Variants in VPS13C observed in about 807,000 individuals in gnomAD.
VPS13C encodes the protein intermembrane lipid transfer protein VPS13C.
VPS13C carries 358 observed loss-of-function variants against 456.8 expected under a neutral mutation model. The observed-to-expected ratio is 0.78, with a 90% CI of 0.72 to 0.86. The LOEUF (loss-of-function observed/expected upper bound fraction) is 0.86. Ranked by LOEUF, VPS13C falls within the 40% of genes least tolerant of loss-of-function variation. VPS13C has a pLI of 0.00. For synonymous variants in VPS13C, 1,578 were observed against 1,486.7 expected (o/e 1.06, Z -1.41); for missense variants, 4,818 against 4,385.4 (o/e 1.10, Z -2.79).
chr15:61,987,583 G>C (rs944705830), intron 18 of VPS13C, among the ~76,000 whole-genome samples: 2 of 152,098 alleles, frequency 1.3e-5, no homozygotes, highest in African/African-American at 2.4e-5. Flanking sequence ...TGGTGGTGAG[G>C]GGCGGATTAT....
rs748632677 is a variant in VPS13C at position 61,913,330 on chromosome 15, G to C, written c.8531C>G (p.Ala2844Gly). Residue 2844 changes from alanine (A) to glycine (G), a missense_variant, in exon 62 of 85, where the codon GCC becomes GGC. Physicochemically the swap from Ala to Gly is moderately conservative, Grantham distance 60 (BLOSUM62 0). Coordinates refer to ENST00000644861, the MANE Select transcript of VPS13C (RefSeq NM_020821.3). ...TCTTACCAGGTACTCCATATTGTTG[G>C]CAGGACACTTCACACACCCATAACT... ...VGSYGCVKCP[A>G]NNMEYLVGVS... 6.2e-7 allele frequency: 1 copy of C among 1,614,020 alleles called. No homozygotes were observed. Among genetic ancestry groups the C allele is most frequent in the South Asian group, 1.1e-5 (1 of 91,080 alleles).
At position 61,974,318 on chromosome 15, in the gene VPS13C, C is replaced by A. The variant is rs1429843778; in HGVS notation, c.2508G>T (p.Gln836His). ...LYLMNSIPLP[Q>H]KSSAQSPERQ... ...TCTCTGGAGACTGGGCTGATGATTT[C>A]TGTGGCAAAGGTATACTGTTCATCA... Residue 836 changes from glutamine (Q) to histidine (H), a missense_variant, in exon 25 of 85, where the codon CAG becomes CAT. This residue lies in a region of VPS13C where 4,552 missense variants were observed against 4,130.6 expected (regional missense o/e 1.10). Transcript: ENST00000644861. 6.2e-7 allele frequency: 1 copy of A among 1,612,188 alleles called. No homozygotes were observed. Among genetic ancestry groups the A allele is most frequent in the Admixed American group, 1.7e-5 (1 of 59,954 alleles).
At position 61,920,478 on chromosome 15, in the gene VPS13C, T is replaced by C. The variant is rs755114730; in HGVS notation, c.7212+20A>G. 1.9e-5 allele frequency: 29 copies of C among 1,512,714 alleles called. No individual in the cohort carries two copies. The East Asian group carries it at 6.7e-4, about 35-fold the overall frequency. 93.7% of individuals were successfully genotyped at this position (1,512,714 alleles called of 1,614,324 possible). A position where few individuals can be genotyped will look rare whatever the true frequency, so the allele number is the denominator to read the frequency against. ...TTTTAAAATTCCACTTGAAATATTC[T>C]AAGCAAGATTCAGACATACTTTTGC... On this transcript the variant is annotated intron_variant, in intron 56 of 84. Transcript: ENST00000644861.
At chr15:62,009,166 C>G (rs2140499684) in intron 13 of VPS13C, among the ~76,000 whole-genome samples, 1 of 152,230 alleles carries the variant, frequency 6.6e-6, no homozygotes, top group Admixed American at 6.5e-5. Context: ...TATTTTTCCT[C>G]TGGATCATCA....
chr15:61,897,162 C>G (rs950231830), intron 66 of VPS13C, among the ~76,000 whole-genome samples: 18 of 152,140 alleles, frequency 1.2e-4, no homozygotes, highest in African/African-American at 4.3e-4. Context: ...AAAAACAGAA[C>G]AGAAAAACTG....
intron 66 of VPS13C, among the ~76,000 whole-genome samples, chr15:61,890,964 T>C (rs2042633363): frequency 1.3e-5 from 2 of 152,126 alleles, no homozygotes; most frequent in African/African-American, 2.4e-5. Flanking sequence ...CGAGAATTGC[T>C]TGAACCCAGG....
chr15:61,999,677 A>G (rs531304976), intron 16 of VPS13C, among the ~76,000 whole-genome samples: 2 of 152,102 alleles, frequency 1.3e-5, no homozygotes, highest in South Asian at 2.1e-4. Flanking sequence ...ATTTTTTTTC[A>G]TCACCAAAAA....
At chr15:61,894,664 G>T (rs1393270175) in intron 66 of VPS13C, among the ~76,000 whole-genome samples, 1 of 152,094 alleles carries the variant, frequency 6.6e-6, no homozygotes, top group Non-Finnish European at 1.5e-5. Context: ...TAATGATAAA[G>T]AGGTCAATTC....
At chr15:62,010,013 C>T (rs994947190) in intron 13 of VPS13C, among the ~76,000 whole-genome samples, 2 of 151,956 alleles carry the variant, frequency 1.3e-5, no homozygotes, top group Non-Finnish European at 2.9e-5. Context: ...CAGTGAAACG[C>T]CATCTCTACT....
chr15:61,962,825 G>T lies in VPS13C; in HGVS notation c.3359C>A (p.Ser1120Ter). 1.9e-6 allele frequency: 3 copies of T among 1,605,014 alleles called. No homozygotes were observed. The South Asian group carries it at 3.4e-5, about 18-fold the overall frequency. Residue 1120 changes from serine to a stop codon, truncating the protein, a stop_gained, in exon 33 of 85, where the codon TCA (serine) becomes TAA (stop). Coordinates refer to ENST00000644861, the MANE Select transcript of VPS13C (RefSeq NM_020821.3). LOFTEE classifies it high-confidence loss of function. ...QGLDSSLSLQ[S>*]RKQSLFARLE... The stretch of plus-strand genomic sequence containing the variant: ...TCGGGCAAAAAGTGACTGCTTTCTT[G>T]ACTGGAGAGAAAGGGAGGAATCCAG...
At chr15:61,937,624 G>A (rs2044271469) in intron 47 of VPS13C, among the ~76,000 whole-genome samples, 1 of 152,094 alleles carries the variant, frequency 6.6e-6, no homozygotes, top group Non-Finnish European at 1.5e-5. Context: ...ACTGGCGCCC[G>A]CCACCACGCC....
At chr15:62,013,013 C>T (rs1187424653) in intron 11 of VPS13C, 26 bp downstream of exon 11, 2 of 1,577,428 alleles carry the variant, frequency 1.3e-6, no homozygotes, top group Admixed American at 1.7e-5. Flanking sequence ...GTGAAGTTAG[C>T]TCTTCCAAGT....
chr15:61,890,416 A>C lies in VPS13C; in HGVS notation c.9106-16T>G. ...CACATCCATCCTGGGAAGAAGAAAG[A>C]CTTCATTAAACCCACACATAGTAAC... On this transcript the variant is annotated splice_polypyrimidine_tract_variant and intron_variant, in intron 66 of 84. Transcript: ENST00000644861. The C allele has an allele frequency of 6.2e-7, 1 of 1,601,842 alleles. No homozygotes were observed. The highest frequency in any genetic ancestry group is 8.5e-7 in the Non-Finnish European group (1 of 1,169,730).
In VPS13C at chr15:61,876,914, C is replaced by A. The variant is rs75585913; in HGVS notation, c.10224+59G>T. 3,277 of 1,321,318 alleles carry A rather than the reference C, an allele frequency of 2.5e-3. 72 individuals are homozygous for A. The African/African-American group carries it at 0.043, about 17-fold the overall frequency. 81.8% of individuals were successfully genotyped at this position (1,321,318 alleles called of 1,614,324 possible). A position where few individuals can be genotyped will look rare whatever the true frequency, so the allele number is the denominator to read the frequency against. ...TTACTGCACACTATACAGTCACATG[C>A]AAATGTTTTGATATTTTATGAAGTA... On this transcript the variant is annotated intron_variant, in intron 75 of 84. Coordinates refer to ENST00000644861, the MANE Select transcript of VPS13C (RefSeq NM_020821.3).
At chr15:62,046,621 C>T (rs1436959) in intron 1 of VPS13C, among the ~76,000 whole-genome samples, 67,333 of 152,042 alleles carry the variant, frequency 0.44, 16,171 homozygotes, top group Admixed American at 0.57. Flanking sequence ...CTAGTCATTC[C>T]CAATTGGTGG....
chr15:62,003,652 G>C (rs1047361788), intron 15 of VPS13C, among the ~76,000 whole-genome samples: 6 of 151,782 alleles, frequency 4.0e-5, no homozygotes, highest in Admixed American at 2.6e-4. Flanking sequence ...TATTGGCTGT[G>C]GGTTTTTCAT....
chr15:61,919,458 G>A lies in VPS13C; in HGVS notation c.7478-9C>T, dbSNP rs1200033465. ...TGTATATCCATGAGGTACTAAGGCA[G>A]TGCATAAGTGAAAAGAATTCCAAAT... is the stretch of plus-strand genomic sequence containing the variant. On this transcript the variant is annotated splice_polypyrimidine_tract_variant and intron_variant, in intron 57 of 84. Transcript: ENST00000644861. The A allele has an allele frequency of 4.7e-6, 7 of 1,487,796 alleles. No homozygotes were observed. Among genetic ancestry groups the A allele is most frequent in the Non-Finnish European group, 6.2e-6 (7 of 1,121,024 alleles). The allele number at this position is 1,487,796 out of a possible 1,614,324, so 92.2% of individuals were successfully genotyped here.
chr15:61,909,185 G>T, intron 64 of VPS13C, 60 bp from the exon 65 acceptor site: 1 of 1,581,654 alleles, frequency 6.3e-7, no homozygotes, highest in African/African-American at 1.4e-5. Context: ...CTTACATATG[G>T]AATTTCAATA....
chr15:61,964,917 C>G (rs2045331836), intron 30 of VPS13C, 56 bp from the exon 31 acceptor site: 2 of 1,503,372 alleles, frequency 1.3e-6, no homozygotes, highest in Admixed American at 2.2e-5. Context: ...AACCTGTAGT[C>G]TCCACGACAG....
Sources: gnomAD v4.1 joint callset for allele counts (sites outside exome capture counted in the v4.1 genomes callset) on GRCh38, gnomAD v4.1.1 for gene constraint, gnomAD v4.1.1 regional missense constraint, MANE v1.5 for transcripts, NCBI Gene and HGNC (gene_info 2026-07-23, HGNC 2026-07-21) for gene names.